The following GPR39 variants were observed in gnomAD, a reference collection of about 807,000 sequenced individuals.
The protein encoded by GPR39 is G protein-coupled receptor 39.
GPR39 carries 23 observed loss-of-function variants against 18.4 expected under a neutral mutation model. The ratio of observed to expected loss-of-function variants is 1.25; its 90% confidence interval spans 0.90 to 1.77. The LOEUF (loss-of-function observed/expected upper bound fraction) is 1.77, where lower values mean the gene tolerates loss of function less well. GPR39 is among the 40% of genes most tolerant of loss of function. GPR39 has a pLI of 0.00. For synonymous variants in GPR39, 280 were observed against 257.9 expected (o/e 1.09, Z -0.82); for missense variants, 647 against 602.4 (o/e 1.07, Z -0.78).
chr2:132,626,820 G>T (rs1681552853), intron 1 of GPR39, among the ~76,000 whole-genome samples: 1 of 152,220 alleles, frequency 6.6e-6, no homozygotes. Context: ...TTGGAAGTAA[G>T]TGAAAACCAT....
intron 1 of GPR39, among the ~76,000 whole-genome samples, chr2:132,486,865 A>G (rs1285614377): frequency 2.6e-5 from 4 of 152,224 alleles, no homozygotes; most frequent in African/African-American, 4.8e-5. Context: ...TTTCCTTTGC[A>G]TTCACAGCTT....
intron 1 of GPR39, 103 bp from the exon 2 acceptor site, chr2:132,644,998 A>AATGGC: frequency 7.4e-7 from 1 of 1,348,352 alleles, no homozygotes; most frequent in Non-Finnish European, 1.0e-6. Flanking sequence ...GCCAGTAAGC[A>AATGGC]CAGAACAGAG....
intron 1 of GPR39, among the ~76,000 whole-genome samples, chr2:132,514,238 G>C (rs1262578820): frequency 6.6e-6 from 1 of 152,080 alleles, no homozygotes; most frequent in Non-Finnish European, 1.5e-5. Context: ...TTTTGATCTT[G>C]ACATCTCCAC....
At chr2:132,596,852 G>A (rs1680958998) in intron 1 of GPR39, among the ~76,000 whole-genome samples, 1 of 152,148 alleles carries the variant, frequency 6.6e-6, no homozygotes, top group South Asian at 2.1e-4. Flanking sequence ...ATCCCCTGTT[G>A]ATTTCCATGT....
At chr2:132,570,464 C>T (rs1474311148) in intron 1 of GPR39, among the ~76,000 whole-genome samples, 1 of 152,162 alleles carries the variant, frequency 6.6e-6, no homozygotes, top group Non-Finnish European at 1.5e-5. Flanking sequence ...CCCCCTCCTG[C>T]CTTTTCAGGA....
At chr2:132,568,351 G>A (rs1325271757) in intron 1 of GPR39, among the ~76,000 whole-genome samples, 2 of 152,018 alleles carry the variant, frequency 1.3e-5, no homozygotes, top group Admixed American at 6.6e-5. Context: ...TTTTGACTGT[G>A]AGTGGATATA....
intron 1 of GPR39, among the ~76,000 whole-genome samples, chr2:132,587,070 T>C (rs1475800656): frequency 2.0e-5 from 3 of 152,206 alleles, no homozygotes. Context: ...GTTTCCACAG[T>C]TAAAATTTGT....
intron 1 of GPR39, among the ~76,000 whole-genome samples, chr2:132,507,166 G>A (rs931904625): frequency 6.6e-6 from 1 of 151,984 alleles, no homozygotes; most frequent in Non-Finnish European, 1.5e-5. Flanking sequence ...TTTTGGAGGG[G>A]ACAACATTCA....
chr2:132,469,371 GA>G (rs1233959694), intron 1 of GPR39, among the ~76,000 whole-genome samples: 3 of 152,230 alleles, frequency 2.0e-5, no homozygotes, highest in African/African-American at 7.2e-5. Flanking sequence ...TTCATTTAAT[GA>G]AAGGTTATAT....
At chr2:132,626,953 T>TTGC (rs1681554500) in intron 1 of GPR39, among the ~76,000 whole-genome samples, 1 of 152,242 alleles carries the variant, frequency 6.6e-6, no homozygotes, top group Non-Finnish European at 1.5e-5. Flanking sequence ...TCTTTCTCCT[T>TTGC]CTCACAATGT....
intron 1 of GPR39, among the ~76,000 whole-genome samples, chr2:132,546,252 G>C (rs2104790356): frequency 6.6e-6 from 1 of 152,312 alleles, no homozygotes; most frequent in African/African-American, 2.4e-5. Flanking sequence ...AAGTCAGTAG[G>C]AGTGGGCTGG....
intron 1 of GPR39, among the ~76,000 whole-genome samples, chr2:132,556,771 T>C (rs1680159517): frequency 1.3e-5 from 2 of 152,180 alleles, no homozygotes; most frequent in South Asian, 4.1e-4. Context: ...CTCCAGGCCT[T>C]CTGTCCTAAT....
chr2:132,620,533 G>A (rs1233080296), intron 1 of GPR39, among the ~76,000 whole-genome samples: 4 of 152,100 alleles, frequency 2.6e-5, no homozygotes, highest in South Asian at 2.1e-4. Context: ...GGGCTCAGAC[G>A]CCCCTCCTTC....
At position 132,525,555 on chromosome 2, in the gene GPR39, G is replaced by A. The variant is rs570262559; in HGVS notation, c.856+107657G>A. On this transcript the variant is annotated intron_variant, in intron 1 of 1. Coordinates refer to ENST00000329321, the MANE Select transcript of GPR39 (RefSeq NM_001508.3). ...TATGCTACGCAGAATTCAGTTTGAT[G>A]CTTTCCCACAATCATGACTCAATAA... 1.5e-4 allele frequency among the ~76,000 whole-genome samples: 23 copies of A among 152,318 alleles called. 1 individual carries two copies. Among genetic ancestry groups the A allele is most frequent in the African/African-American group, 5.3e-4 (22 of 41,592 alleles).
At chr2:132,579,379 G>A (rs192814943) in intron 1 of GPR39, among the ~76,000 whole-genome samples, 5 of 152,162 alleles carry the variant, frequency 3.3e-5, no homozygotes, top group African/African-American at 1.2e-4. Flanking sequence ...CTGTAATAGG[G>A]ACTGTTCTTG....
At chr2:132,451,376 G>A (rs181218936) in intron 1 of GPR39, among the ~76,000 whole-genome samples, 27 of 152,248 alleles carry the variant, frequency 1.8e-4, no homozygotes, top group African/African-American at 6.5e-4. Context: ...TTAAATGTAA[G>A]CTCTTTGAAG....
chr2:132,451,868 T>C (rs1680637604), intron 1 of GPR39, among the ~76,000 whole-genome samples: 1 of 152,210 alleles, frequency 6.6e-6, no homozygotes, highest in Non-Finnish European at 1.5e-5. Flanking sequence ...TTAGTCTTAG[T>C]CCTACATTTA....
intron 1 of GPR39, among the ~76,000 whole-genome samples, chr2:132,440,055 G>A (rs116634638): frequency 0.012 from 1,869 of 152,250 alleles, 41 homozygotes; most frequent in African/African-American, 0.042. Context: ...TGTGACCACA[G>A]AACCCTCCTA....
At chr2:132,457,144 A>G (rs1444475187) in intron 1 of GPR39, among the ~76,000 whole-genome samples, 1 of 152,166 alleles carries the variant, frequency 6.6e-6, no homozygotes, top group African/African-American at 2.4e-5. Flanking sequence ...ATCTTTTCAC[A>G]TAGTCCCATA....
Sources: allele counts gnomAD v4.1 joint callset (sites outside exome capture counted in the v4.1 genomes callset), GRCh38; gene constraint gnomAD v4.1.1; transcripts MANE v1.5; gene names NCBI Gene and HGNC (gene_info 2026-07-23, HGNC 2026-07-21).